Variants in MYO1F observed in about 807,000 individuals in gnomAD.
The protein encoded by MYO1F is unconventional myosin-If.
In MYO1F, 60 loss-of-function variants were observed where a neutral mutation model predicts 146.6. The observed-to-expected ratio is 0.41, with a 90% CI of 0.33 to 0.51. MYO1F has a LOEUF of 0.51. Among genes scored for constraint, MYO1F ranks in the 20% least tolerant of loss-of-function variants. MYO1F has a pLI of 0.25. For synonymous variants in MYO1F, 602 were observed against 602.1 expected (o/e 1.00, Z 0.00); for missense variants, 1,274 against 1,534.3 (o/e 0.83, Z 2.83).
Position 8,544,350 on chromosome 19 carries a change from C to T in MYO1F, c.1471G>A (p.Glu491Lys), listed in dbSNP as rs753226203. The T allele has an allele frequency of 1.9e-5, 30 of 1,612,978 alleles. No homozygotes were observed. Among genetic ancestry groups the T allele is most frequent in the Middle Eastern group, 1.6e-4 (1 of 6,078 alleles). Residue 491 changes from glutamate (E) to lysine (K), a missense_variant, in exon 14 of 28, where the codon GAG becomes AAG. By Grantham distance (56) the Glu-to-Lys change is moderately conservative. Around this residue, in one of 2 missense-constraint regions of MYO1F, gnomAD observed 900 missense variants for 1,155.1 expected, o/e 0.78. Transcript: ENST00000644032. ...CCGGCGCTCCAGCTGTTGAAATGCTCGTGGGTCCCCACAGCCGCCTGCAGC... is the reference window on the plus strand; with the variant it reads ...CCGGCGCTCCAGCTGTTGAAATGCTTGTGGGTCCCCACAGCCGCCTGCAGC... Reference protein sequence around the residue: ...QKLQAAVGTHEHFNSWSAGFV... With the variant: ...QKLQAAVGTHKHFNSWSAGFV...
rs767003505 is a variant in MYO1F at position 8,553,143 on chromosome 19, C to T, written c.500G>A (p.Arg167His). The T allele has an allele frequency of 1.2e-6, 2 of 1,614,042 alleles. No individual in the cohort carries two copies. Among genetic ancestry groups the T allele is most frequent in the South Asian group, 1.1e-5 (1 of 91,080 alleles). The change falls in exon 6 of 28, where the codon CGC becomes CAC. Residue 167 changes from arginine (R) to histidine (H), a missense_variant. Physicochemically the swap from Arg to His is conservative, Grantham distance 29. This residue lies in a region of MYO1F where 900 missense variants were observed against 1,155.1 expected (regional missense o/e 0.78). Transcript: ENST00000644032. Reference sequence around the variant, plus strand: ...AGCAGGTCTGCAGAGACTTACAAAGCGGCTGGAATTGTTGTTGCGCACAGT... The same window carrying T: ...AGCAGGTCTGCAGAGACTTACAAAGTGGCTGGAATTGTTGTTGCGCACAGT... ...AKTVRNNNSSRFGKYFEIQFS... is the reference protein window; with the variant it reads ...AKTVRNNNSSHFGKYFEIQFS...
chr19:8,569,388 G>A (rs2042068134), intron 1 of MYO1F, among the ~76,000 whole-genome samples: 1 of 152,104 alleles, frequency 6.6e-6, no homozygotes, highest in South Asian at 2.1e-4. Context: ...TCTTCAGAGA[G>A]GTCTCTCTAC....
intron 1 of MYO1F, among the ~76,000 whole-genome samples, chr19:8,566,459 G>A: frequency 7.1e-6 from 1 of 141,534 alleles, no homozygotes; most frequent in Non-Finnish European, 1.5e-5. Flanking sequence ...GAGCCACCGC[G>A]CCCGGCCTGG....
chr19:8,560,645 G>A (rs754666016), intron 1 of MYO1F, among the ~76,000 whole-genome samples: 1 of 151,984 alleles, frequency 6.6e-6, no homozygotes, highest in South Asian at 2.1e-4. Flanking sequence ...CAAGGTCATG[G>A]CTCACTGCAG....
Position 8,554,585 on chromosome 19 carries a change from T to C in MYO1F, c.232-14A>G. On this transcript the variant is annotated splice_polypyrimidine_tract_variant and intron_variant, in intron 3 of 27. Transcript: ENST00000644032. ...CTCATACTGGGCCTGGCAGGGGAGGTCAGGTCTCAGCCCAGGGCTGGGGGC... is the reference window on the plus strand; with the variant it reads ...CTCATACTGGGCCTGGCAGGGGAGGCCAGGTCTCAGCCCAGGGCTGGGGGC... 6.2e-7 allele frequency: 1 copy of C among 1,611,034 alleles called. No homozygotes were observed. Among genetic ancestry groups the C allele is most frequent in the Non-Finnish European group, 8.5e-7 (1 of 1,177,866 alleles).
At position 8,553,151 on chromosome 19, in the gene MYO1F, ATTG is replaced by A. The variant is rs763481998; in HGVS notation, c.489_491del (p.Asn164del). 2.8e-5 allele frequency: 45 copies of A among 1,614,010 alleles called. No homozygotes were observed. The highest frequency in any genetic ancestry group is 4.0e-5 in the African/African-American group (3 of 74,914). On this transcript the variant is annotated inframe_deletion, in exon 6 of 28. Transcript: ENST00000644032. ...TGCAGAGACTTACAAAGCGGCTGGA[ATTG>A]TTGTTGCGCACAGTCTTGGCGTTGC...
At chr19:8,559,624 G>A (rs28547526) in intron 1 of MYO1F, among the ~76,000 whole-genome samples, 19,335 of 151,838 alleles carry the variant, frequency 0.13, 2,365 homozygotes, top group African/African-American at 0.31. Context: ...CTGAGTGGTC[G>A]TGAGGATAGA....
chr19:8,553,351 T>C lies in MYO1F; in HGVS notation c.413A>G (p.Gln138Arg). Residue 138 changes from glutamine (Q) to arginine (R), a missense_variant and splice_region_variant, in exon 5 of 28, where the codon CAG (glutamine) becomes CGG (arginine). Physicochemically the swap from Gln to Arg is conservative, Grantham distance 43. Around this residue, in one of 2 missense-constraint regions of MYO1F, gnomAD observed 900 missense variants for 1,155.1 expected, o/e 0.78. Transcript: ENST00000644032. Reference sequence around the variant, plus strand: ...ATCCTTCTGTTTTCCTCGTCTCACCTGGACCTTCTCGCCTCCGCCAGACAC... The same window carrying C: ...ATCCTTCTGTTTTCCTCGTCTCACCCGGACCTTCTCGCCTCCGCCAGACAC... ...SKVSGGGEKVQHVKDIILQSN... is the reference protein window; with the variant it reads ...SKVSGGGEKVRHVKDIILQSN... 1 of 1,614,112 alleles carries C rather than the reference T, an allele frequency of 6.2e-7. No homozygotes were observed. Among genetic ancestry groups the C allele is most frequent in the Non-Finnish European group, 8.5e-7 (1 of 1,179,998 alleles).
chr19:8,526,660 C>A, intron 23 of MYO1F, 59 bp from the exon 24 acceptor site: 2 of 1,556,686 alleles, frequency 1.3e-6, no homozygotes, highest in Middle Eastern at 1.9e-4. Flanking sequence ...CCACCCAACT[C>A]TCGCTGGTTG....
At chr19:8,527,276 G>A in intron 22 of MYO1F, 62 bp downstream of exon 22, 2 of 1,609,124 alleles carry the variant, frequency 1.2e-6, no homozygotes, top group East Asian at 2.2e-5. Flanking sequence ...GGGGTCACTA[G>A]AATGAGGGCA....
At chr19:8,534,619 T>G (rs1972627527) in intron 19 of MYO1F, among the ~76,000 whole-genome samples, 1 of 151,122 alleles carries the variant, frequency 6.6e-6, no homozygotes, top group Non-Finnish European at 1.5e-5. Context: ...TCTTCTATTT[T>G]CATTTTACTA....
At chr19:8,553,941 C>G (rs1200358657) in intron 4 of MYO1F, among the ~76,000 whole-genome samples, 2 of 149,638 alleles carry the variant, frequency 1.3e-5, no homozygotes, top group Admixed American at 1.4e-4. Context: ...TTCTCTCTCT[C>G]TGCTCTCATA....
At chr19:8,532,903 TACACAC>T (rs60799506) in intron 19 of MYO1F, among the ~76,000 whole-genome samples, 10,281 of 113,142 alleles carry the variant, frequency 0.091, 784 homozygotes, top group African/African-American at 0.18. Context: ...AAAAAAAAAA[TACACAC>T]ACACACACAC....
In MYO1F at chr19:8,561,366, C is replaced by T. The variant is rs568633559; in HGVS notation, c.4-5570G>A. Among the ~76,000 whole-genome samples the T allele has an allele frequency of 2.5e-5, 3 of 122,176 alleles. No individual in the cohort carries two copies. The East Asian group carries it at 7.2e-4, about 29-fold the overall frequency. 80.2% of individuals were successfully genotyped at this position (122,176 alleles called of 152,430 possible). A position where few individuals can be genotyped will look rare whatever the true frequency, so the allele number is the denominator to read the frequency against. On this transcript the variant is annotated intron_variant, in intron 1 of 27. Coordinates refer to ENST00000644032, the MANE Select transcript of MYO1F (RefSeq NM_012335.4). ...CAGCATGAATTCCCTCCCTCCCTCC[C>T]TCCCTCCCTCCCTTCCCCCCTTCTT...
chr19:8,574,593 CTCTCTTTCTTTCTTTCTTTCTTTCTT>C lies in MYO1F; in HGVS notation c.3+2688_3+2713del, dbSNP rs1328967580. ...TTTCTTTCTTTCTCTCTCTCTCTCTCTCTCTTTCTTTCTTTCTTTCTTTCTTTCTTTCTTTCTTTCTTTCTTTCTTT... is the reference window on the plus strand; with the variant it reads ...TTTCTTTCTTTCTCTCTCTCTCTCTCTCTTTCTTTCTTTCTTTCTTTCTTT... On this transcript the variant is annotated intron_variant, in intron 1 of 27. Coordinates refer to ENST00000644032, the MANE Select transcript of MYO1F (RefSeq NM_012335.4). Among the ~76,000 whole-genome samples, 638 of 95,532 alleles carry C rather than the reference CTCTCTTTCTTTCTTTCTTTCTTTCTT, an allele frequency of 6.7e-3. 6 individuals are homozygous for C. Among genetic ancestry groups the C allele is most frequent in the African/African-American group, 0.028 (609 of 21,404 alleles). The allele number at this position is 95,532 out of a possible 152,430, so 62.7% of individuals were successfully genotyped here.
In MYO1F at chr19:8,553,894, A is replaced by ACACACACACACTCTCTCTCT; in HGVS notation, c.327-458_327-457insAGAGAGAGAGTGTGTGTGTG. ...CACACACACACACACACACACACAC[A>ACACACACACACTCTCTCTCT]CTCTCTCTCTCTCTCTCTCTCTCTC... On this transcript the variant is annotated intron_variant, in intron 4 of 27. Coordinates refer to ENST00000644032, the MANE Select transcript of MYO1F (RefSeq NM_012335.4). Among the ~76,000 whole-genome samples the ACACACACACACTCTCTCTCT allele has an allele frequency of 3.2e-3, 333 of 102,638 alleles. 2 individuals are homozygous for ACACACACACACTCTCTCTCT. Among genetic ancestry groups the ACACACACACACTCTCTCTCT allele is most frequent in the Middle Eastern group, 0.028 (6 of 214 alleles). 67.3% of individuals were successfully genotyped at this position (102,638 alleles called of 152,430 possible). A position where few individuals can be genotyped will look rare whatever the true frequency, so the allele number is the denominator to read the frequency against.
chr19:8,525,401 T>C (rs1286822132), intron 25 of MYO1F, 78 bp downstream of exon 25: 2 of 1,233,192 alleles, frequency 1.6e-6, no homozygotes, highest in Admixed American at 1.7e-5. Flanking sequence ...TTTGTTAGAT[T>C]TCGTTTGCTG....
At chr19:8,574,116 G>C (rs1399507294) in intron 1 of MYO1F, among the ~76,000 whole-genome samples, 5 of 151,974 alleles carry the variant, frequency 3.3e-5, no homozygotes, top group African/African-American at 9.7e-5. Flanking sequence ...AGCATCTCCA[G>C]AATTTCCAGC....
rs1568381731 is a variant in MYO1F at position 8,574,656 on chromosome 19, CTTTCTTCTT to C, written c.3+2642_3+2650del. Among the ~76,000 whole-genome samples, 37 of 128,718 alleles carry C rather than the reference CTTTCTTCTT, an allele frequency of 2.9e-4. 2 individuals carry two copies. Among genetic ancestry groups the C allele is most frequent in the African/African-American group, 1.0e-3 (37 of 35,484 alleles). The allele number at this position is 128,718 out of a possible 152,430, so 84.4% of individuals were successfully genotyped here. A position where few individuals can be genotyped will look rare whatever the true frequency, so the allele number is the denominator to read the frequency against. On this transcript the variant is annotated intron_variant, in intron 1 of 27. Coordinates refer to ENST00000644032, the MANE Select transcript of MYO1F (RefSeq NM_012335.4). ...TTCTTTCTTTCTTTCCTTTCTTTCT[CTTTCTTCTT>C]TCTCTCTTTCTTTCTTTCTTCCTTT...
Sources: gnomAD v4.1 joint callset for allele counts (sites outside exome capture counted in the v4.1 genomes callset) on GRCh38, gnomAD v4.1.1 for gene constraint, gnomAD v4.1.1 regional missense constraint, MANE v1.5 for transcripts, NCBI Gene and HGNC (gene_info 2026-07-23, HGNC 2026-07-21) for gene names.